Variants in CLVS1 observed in about 807,000 individuals in gnomAD.
CLVS1 encodes the protein clavesin 1, also known as clavesin-1.
In CLVS1, 10 loss-of-function variants were observed where a neutral mutation model predicts 33.1. That is an observed-to-expected ratio of 0.30 (90% confidence interval 0.19 to 0.51). The LOEUF (loss-of-function observed/expected upper bound fraction) is 0.51, where lower values mean the gene tolerates loss of function less well. CLVS1 is among the 20% of genes least tolerant of loss of function. CLVS1 has a pLI of 0.97. For missense variants in CLVS1, 343 were observed against 433.4 expected (o/e 0.79, Z 1.85); for synonymous variants, 163 against 166.1 (o/e 0.98, Z 0.14).
At chr8:61,478,220 G>T (rs1013424061) in intron 5 of CLVS1, among the ~76,000 whole-genome samples, 1 of 152,168 alleles carries the variant, frequency 6.6e-6, no homozygotes, top group Non-Finnish European at 1.5e-5. Context: ...ATTTGCTGAG[G>T]AGTGCTGTAC....
intron 2 of CLVS1, among the ~76,000 whole-genome samples, chr8:61,277,256 G>A (rs1369778279): frequency 2.0e-5 from 3 of 152,174 alleles, no homozygotes; most frequent in Non-Finnish European, 2.9e-5. Context: ...CACAGCTGAT[G>A]GATATCTGGA....
At chr8:61,315,247 C>G (rs1341647393) in intron 2 of CLVS1, among the ~76,000 whole-genome samples, 2 of 152,266 alleles carry the variant, frequency 1.3e-5, no homozygotes, top group East Asian at 3.9e-4. Flanking sequence ...GGTGTCAGTC[C>G]TTTGTATTTT....
upstream of CLVS1, among the ~76,000 whole-genome samples, chr8:61,287,121 T>C (rs73682210): frequency 9.8e-3 from 1,494 of 152,322 alleles, 25 homozygotes; most frequent in African/African-American, 0.032. Flanking sequence ...TTTATGACAC[T>C]GGATATACAT....
In CLVS1 at chr8:61,341,369, G is replaced by A. The variant is rs141061810; in HGVS notation, c.456-35236G>A. Among the ~76,000 whole-genome samples, 225 of 152,326 alleles carry A rather than the reference G, an allele frequency of 1.5e-3. 1 individual carries two copies. Among genetic ancestry groups the A allele is most frequent in the African/African-American group, 5.1e-3 (214 of 41,560 alleles). Reference sequence around the variant, plus strand: ...TGGAGGCATTCTCTGGCCTGCAGAAGAGCGCTCATTGTCCTCTGCGGTCCA... The same window carrying A: ...TGGAGGCATTCTCTGGCCTGCAGAAAAGCGCTCATTGTCCTCTGCGGTCCA... On this transcript the variant is annotated intron_variant, in intron 2 of 5. Coordinates refer to ENST00000325897, the MANE Select transcript of CLVS1 (RefSeq NM_173519.3).
At chr8:61,079,757 A>G (rs777531276) in intron 1 of CLVS1, among the ~76,000 whole-genome samples, 114 of 150,418 alleles carry the variant, frequency 7.6e-4, no homozygotes, top group Middle Eastern at 6.8e-3. Flanking sequence ...TTTAGAAAGT[A>G]GTCCCAATTT....
At chr8:61,398,239 T>C (rs1014682965) in intron 3 of CLVS1, among the ~76,000 whole-genome samples, 5 of 150,818 alleles carry the variant, frequency 3.3e-5, no homozygotes, top group Non-Finnish European at 5.9e-5. Flanking sequence ...TGGAATGTAG[T>C]GGTGTGATCA....
At chr8:61,428,581 G>T (rs1696026775) in intron 3 of CLVS1, among the ~76,000 whole-genome samples, 1 of 152,196 alleles carries the variant, frequency 6.6e-6, no homozygotes, top group African/African-American at 2.4e-5. Flanking sequence ...ATGTGGCTAG[G>T]ATAGCAGATT....
At chr8:61,229,662 C>A (rs1022873349) in intron 2 of CLVS1, among the ~76,000 whole-genome samples, 1 of 152,224 alleles carries the variant, frequency 6.6e-6, no homozygotes, top group East Asian at 1.9e-4. Flanking sequence ...GATAGAGTCT[C>A]GCTCTGTCGC....
At chr8:61,147,487 A>C (rs994686129) in intron 2 of CLVS1, among the ~76,000 whole-genome samples, 3 of 152,222 alleles carry the variant, frequency 2.0e-5, no homozygotes, top group Admixed American at 6.5e-5. Context: ...TATACTGGGC[A>C]CCTATGCATT....
the CLVS1 span, among the ~76,000 whole-genome samples, chr8:61,019,422 G>A: frequency 6.6e-6 from 1 of 152,134 alleles, no homozygotes; most frequent in African/African-American, 2.4e-5. Context: ...TTAGACTCAG[G>A]AGACCTACTT....
intron 2 of CLVS1, among the ~76,000 whole-genome samples, chr8:61,312,046 G>A (rs1426120133): frequency 6.6e-6 from 1 of 152,158 alleles, no homozygotes; most frequent in African/African-American, 2.4e-5. Flanking sequence ...AAGTTATGAG[G>A]CCTTTTCTTG....
At chr8:61,358,866 A>G (rs1317427569) in intron 2 of CLVS1, among the ~76,000 whole-genome samples, 1 of 152,168 alleles carries the variant, frequency 6.6e-6, no homozygotes, top group African/African-American at 2.4e-5. Flanking sequence ...ACTTGTTCTT[A>G]TTTAAGTATA....
At chr8:61,486,817 T>G (rs1306077241) in intron 5 of CLVS1, among the ~76,000 whole-genome samples, 1 of 152,190 alleles carries the variant, frequency 6.6e-6, no homozygotes, top group East Asian at 1.9e-4. Context: ...AAATTTCCTG[T>G]TTGCCTATGT....
At chr8:61,101,950 G>A (rs991970164) in intron 1 of CLVS1, among the ~76,000 whole-genome samples, 17 of 151,950 alleles carry the variant, frequency 1.1e-4, no homozygotes, top group Admixed American at 2.0e-4. Flanking sequence ...GATATATTTC[G>A]TTGATCAATA....
At chr8:61,151,650 C>G (rs1806538843) in intron 2 of CLVS1, among the ~76,000 whole-genome samples, 1 of 152,144 alleles carries the variant, frequency 6.6e-6, no homozygotes, top group Non-Finnish European at 1.5e-5. Flanking sequence ...GTGTGCCTTT[C>G]ACAGGGGCAG....
the CLVS1 span, among the ~76,000 whole-genome samples, chr8:61,035,180 C>CTTTTTT: frequency 1.2e-5 from 1 of 86,046 alleles, no homozygotes; most frequent in Non-Finnish European, 2.5e-5. Context: ...CTTTTCTTTT[C>CTTTTTT]TTTTTTCTTT....
At chr8:61,303,928 A>T (rs1032345600) in intron 2 of CLVS1, among the ~76,000 whole-genome samples, 17 of 152,362 alleles carry the variant, frequency 1.1e-4, no homozygotes, top group African/African-American at 3.4e-4. Context: ...ACAGATGGTA[A>T]AATGAATTGC....
chr8:61,268,161 C>T (rs1183933462), intron 2 of CLVS1, among the ~76,000 whole-genome samples: 20 of 119,788 alleles, frequency 1.7e-4, no homozygotes, highest in African/African-American at 4.7e-4. Flanking sequence ...TGCTATCCCA[C>T]CCCCCTCCCC....
At chr8:61,272,329 T>C (rs1271679415) in intron 2 of CLVS1, among the ~76,000 whole-genome samples, 1 of 152,252 alleles carries the variant, frequency 6.6e-6, no homozygotes, top group Non-Finnish European at 1.5e-5. Flanking sequence ...GCCCCCGCTC[T>C]CTTCTGGCTT....
Sources: gnomAD v4.1 joint callset for allele counts (sites outside exome capture counted in the v4.1 genomes callset) on GRCh38, gnomAD v4.1.1 for gene constraint, MANE v1.5 for transcripts, NCBI Gene and HGNC (gene_info 2026-07-23, HGNC 2026-07-21) for gene names.